The following KCNN3 variants were observed in gnomAD, a reference collection of about 807,000 sequenced individuals.
KCNN3 encodes potassium calcium-activated channel subfamily N member 3.
Under a neutral mutation model 62.9 loss-of-function variants are expected in KCNN3, and 16 were observed. The observed-to-expected ratio is 0.25, with a 90% CI of 0.17 to 0.39. The LOEUF is 0.39. KCNN3 is among the 10% of genes least tolerant of loss of function. The probability of loss-of-function intolerance (pLI) is 1.00; values close to 1 mark genes in which losing one functional copy is unlikely to be tolerated. For synonymous variants in KCNN3, 370 were observed against 389.2 expected (o/e 0.95, Z 0.58); for missense variants, 599 against 949.4 (o/e 0.63, Z 4.85).
At chr1:154,779,522 T>G (rs1349885719) in intron 2 of KCNN3, among the ~76,000 whole-genome samples, 5 of 152,366 alleles carry the variant, frequency 3.3e-5, no homozygotes, top group African/African-American at 9.6e-5. Flanking sequence ...ACACATGATT[T>G]GAGATATCAA....
At chr1:154,854,441 C>A (rs911075498) in intron 1 of KCNN3, among the ~76,000 whole-genome samples, 54 of 152,214 alleles carry the variant, frequency 3.5e-4, no homozygotes, top group African/African-American at 1.2e-3. Flanking sequence ...AGATTGGGAT[C>A]TAAGACTTGT....
At chr1:154,834,512 T>G (rs1227420473) in intron 1 of KCNN3, among the ~76,000 whole-genome samples, 2 of 152,188 alleles carry the variant, frequency 1.3e-5, no homozygotes, top group African/African-American at 4.8e-5. Flanking sequence ...CAGCCCCATC[T>G]CAAGGCGGGA....
At position 154,862,522 on chromosome 1, in the gene KCNN3, G is replaced by T. The variant is rs993437592; in HGVS notation, c.933+6510C>A. On this transcript the variant is annotated intron_variant, in intron 1 of 7. Transcript: ENST00000271915. This position sits in a 1 kb window ranked among gnomAD's most constrained non-coding sequence, Gnocchi z 4.1. ...GGCCCTCCAGGGGTGGAAGGTGGGG[G>T]TGCTAGGGGCTGTGGAAGGAGCTTT... Among the ~76,000 whole-genome samples the T allele has an allele frequency of 1.3e-5, 2 of 152,226 alleles. No homozygotes were observed. The highest frequency in any genetic ancestry group is 4.8e-5 in the African/African-American group (2 of 41,532).
At position 154,753,848 on chromosome 1, in the gene KCNN3, C is replaced by T. The variant is rs113982349; in HGVS notation, c.1448+18127G>A. Reference sequence around the variant, plus strand: ...CTATCTACAGATCCCAAGAAAGAGGCCCAGGAAAGGAAAGGGCTCAGGGTT... The same window carrying T: ...CTATCTACAGATCCCAAGAAAGAGGTCCAGGAAAGGAAAGGGCTCAGGGTT... On this transcript the variant is annotated intron_variant, in intron 3 of 7. Transcript: ENST00000271915. Among the ~76,000 whole-genome samples the T allele has an allele frequency of 4.2e-4, 64 of 152,282 alleles. 3 individuals carry two copies. Among genetic ancestry groups the T allele is most frequent in the African/African-American group, 1.5e-3 (64 of 41,544 alleles).
chr1:154,797,855 G>A (rs556316032), intron 2 of KCNN3, among the ~76,000 whole-genome samples: 2 of 152,180 alleles, frequency 1.3e-5, no homozygotes, highest in Non-Finnish European at 2.9e-5. Flanking sequence ...GTAACTTGCT[G>A]TGTGGACTTT....
At chr1:154,769,787 G>C (rs998081794) in intron 3 of KCNN3, among the ~76,000 whole-genome samples, 1 of 152,230 alleles carries the variant, frequency 6.6e-6, no homozygotes, top group East Asian at 1.9e-4. Context: ...AACAGGAAGA[G>C]TATAGGCCCA....
chr1:154,866,438 T>A (rs1259215008), intron 1 of KCNN3, among the ~76,000 whole-genome samples: 1 of 152,212 alleles, frequency 6.6e-6, no homozygotes, highest in African/African-American at 2.4e-5. Context: ...TAAAGCTCCA[T>A]GACTTATCCA....
intron 2 of KCNN3, among the ~76,000 whole-genome samples, chr1:154,798,321 C>T (rs996145871): frequency 6.6e-6 from 1 of 152,232 alleles, no homozygotes; most frequent in African/African-American, 2.4e-5. Context: ...ACAGTGCTTG[C>T]CTGGTCCTCT....
In KCNN3 at chr1:154,700,652, A is replaced by G. The variant is rs2101745649; in HGVS notation, c.*7324T>C. 6.6e-6 allele frequency: 1 copy of G among 152,148 alleles called. No homozygotes were observed. Among genetic ancestry groups the G allele is most frequent in the East Asian group, 1.9e-4 (1 of 5,172 alleles). 9.4% of individuals were successfully genotyped at this position (152,148 alleles called of 1,614,324 possible). Reference sequence around the variant, plus strand: ...CCTGTCTCTACTAAAAATACAAAAAAATTAGCTGGTCGTGGTGGCACGCAC... The same window carrying G: ...CCTGTCTCTACTAAAAATACAAAAAGATTAGCTGGTCGTGGTGGCACGCAC... On this transcript the variant is annotated 3_prime_UTR_variant, in exon 8 of 8. Transcript: ENST00000271915.
intron 3 of KCNN3, among the ~76,000 whole-genome samples, chr1:154,737,780 G>A (rs981619393): frequency 6.6e-5 from 10 of 152,162 alleles, no homozygotes; most frequent in Non-Finnish European, 1.5e-4. Flanking sequence ...TATGAAGTTA[G>A]GCATTGTGGT....
intron 2 of KCNN3, among the ~76,000 whole-genome samples, chr1:154,789,813 G>T (rs1358291653): frequency 1.3e-5 from 2 of 152,184 alleles, no homozygotes; most frequent in Admixed American, 1.3e-4. Context: ...AGAACAAGAA[G>T]CATTTACAGA....
intron 2 of KCNN3, among the ~76,000 whole-genome samples, chr1:154,816,294 A>G (rs914275364): frequency 2.6e-5 from 4 of 152,092 alleles, no homozygotes; most frequent in Non-Finnish European, 5.9e-5. Flanking sequence ...TCTCCACCCC[A>G]TTGATCTGAT....
intron 5 of KCNN3, among the ~76,000 whole-genome samples, chr1:154,716,986 GA>G (rs1185444523): frequency 6.6e-6 from 1 of 152,214 alleles, no homozygotes; most frequent in South Asian, 2.1e-4. Flanking sequence ...AAGCCTCAAG[GA>G]AACTGGAAAG....
intron 1 of KCNN3, among the ~76,000 whole-genome samples, chr1:154,854,218 G>A (rs1652426706): frequency 1.3e-5 from 2 of 152,118 alleles, no homozygotes; most frequent in South Asian, 4.1e-4. Context: ...CTGGGCGACA[G>A]AGCAAGACTC....
rs80104604 is a variant in KCNN3 at position 154,833,680 on chromosome 1, G to C, written c.934-11496C>G. On this transcript the variant is annotated intron_variant, in intron 1 of 7. Coordinates refer to ENST00000271915, the MANE Select transcript of KCNN3 (RefSeq NM_002249.6). ...ATGCCCTAAGCCTTCCAAGGGTGGG[G>C]CTGGTGTTCTGCCACATCCTCACTC... 9.3e-3 allele frequency among the ~76,000 whole-genome samples: 1,419 copies of C among 152,306 alleles called. 40 individuals carry two copies. The highest frequency in any genetic ancestry group is 0.075 in the East Asian group (387 of 5,180).
rs754365082 is a variant in KCNN3 at position 154,733,400 on chromosome 1, C to T, written c.1449-256G>A. 1.1e-3 allele frequency among the ~76,000 whole-genome samples: 169 copies of T among 152,270 alleles called. 2 individuals carry two copies. The highest frequency in any genetic ancestry group is 4.0e-4 in the Non-Finnish European group (27 of 68,020). ...AGATAAAATGTTTTGTCATGATTTG[C>T]ACCTCATTGTAGACATCCTTTTAGT... On this transcript the variant is annotated intron_variant, in intron 3 of 7. Transcript: ENST00000271915.
intron 4 of KCNN3, among the ~76,000 whole-genome samples, chr1:154,732,559 C>T (rs1011672494): frequency 6.6e-6 from 1 of 152,244 alleles, no homozygotes; most frequent in Non-Finnish European, 1.5e-5. Context: ...TTCCCCAGTC[C>T]CTGCTTCTGT....
intron 1 of KCNN3, among the ~76,000 whole-genome samples, chr1:154,828,104 T>C (rs993961534): frequency 1.9e-4 from 29 of 152,230 alleles, no homozygotes; most frequent in Non-Finnish European, 3.8e-4. Flanking sequence ...TGATACTTGC[T>C]AGCCAAGACA....
chr1:154,845,748 C>A (rs1359081246), intron 1 of KCNN3, among the ~76,000 whole-genome samples: 1 of 152,180 alleles, frequency 6.6e-6, no homozygotes, highest in African/African-American at 2.4e-5. Flanking sequence ...CACGTCCTTC[C>A]CTTGTACACA....
Sources: gnomAD v4.1 joint callset for allele counts (sites outside exome capture counted in the v4.1 genomes callset) on GRCh38, gnomAD v4.1.1 for gene constraint, Gnocchi (gnomAD v3.1) non-coding constraint, MANE v1.5 for transcripts, NCBI Gene and HGNC (gene_info 2026-07-23, HGNC 2026-07-21) for gene names.